Variants in UTRN observed in about 807,000 individuals in gnomAD.
UTRN encodes utrophin.
UTRN carries 283 observed loss-of-function variants against 463.9 expected under a neutral mutation model. That is an observed-to-expected ratio of 0.61 (90% CI 0.55 to 0.67). The LOEUF is 0.67. UTRN is among the 30% of genes least tolerant of loss of function. UTRN has a pLI of 0.00. For missense variants in UTRN, 3,922 were observed against 4,084.3 expected (o/e 0.96, Z 1.08); for synonymous variants, 1,442 against 1,431.5 (o/e 1.01, Z -0.17).
chr6:144,451,957 G>T (rs564515629), intron 18 of UTRN, among the ~76,000 whole-genome samples: 1 of 152,098 alleles, frequency 6.6e-6, no homozygotes, highest in Non-Finnish European at 1.5e-5. Flanking sequence ...TAGCCCTGCC[G>T]CTTTCCATGC....
intron 41 of UTRN, among the ~76,000 whole-genome samples, chr6:144,527,679 C>T (rs1333962275): frequency 6.6e-6 from 1 of 152,128 alleles, no homozygotes; most frequent in Non-Finnish European, 1.5e-5. Flanking sequence ...AGGCTTTGTT[C>T]ATTTTTTAAA....
chr6:144,476,255 C>G (rs1791185282), intron 25 of UTRN, among the ~76,000 whole-genome samples: 1 of 151,408 alleles, frequency 6.6e-6, no homozygotes, highest in African/African-American at 2.4e-5. Context: ...CACTCGGCCT[C>G]TCTCTGGTTT....
chr6:144,735,332 A>G (rs1789256557), intron 54 of UTRN, among the ~76,000 whole-genome samples: 1 of 152,304 alleles, frequency 6.6e-6, no homozygotes, highest in African/African-American at 2.4e-5. Context: ...AGGAATGGCC[A>G]TGCTGGGGAC....
chr6:144,451,252 T>C, intron 17 of UTRN, 118 bp from the exon 18 acceptor site: 3 of 1,215,114 alleles, frequency 2.5e-6, no homozygotes, highest in Non-Finnish European at 3.3e-6. Flanking sequence ...TGGGTTGCTG[T>C]TTTTGGGGGA....
intron 57 of UTRN, among the ~76,000 whole-genome samples, chr6:144,755,484 C>T (rs1454749818): frequency 3.9e-5 from 6 of 152,104 alleles, no homozygotes; most frequent in African/African-American, 1.2e-4. Context: ...TTCATTCTGT[C>T]GCTTACCAGA....
rs565108957 is a variant in UTRN at position 144,840,764 on chromosome 6, C to G, written c.10202C>G (p.Pro3401Arg). ...QAAGEDLLAPPHDTSTDLTEV... is the reference protein window; with the variant it reads ...QAAGEDLLAPRHDTSTDLTEV... ...GCGGGAGAGGACCTGCTGGCCCCAC[C>G]GCACGACACCAGCACGGATCTCACG... Residue 3401 changes from proline (P) to arginine (R), a missense_variant, in exon 73 of 75, where the codon CCG (proline) becomes CGG (arginine). Coordinates refer to ENST00000367545, the MANE Select transcript of UTRN (RefSeq NM_007124.3). The G allele has an allele frequency of 2.5e-6, 4 of 1,613,834 alleles. No individual in the cohort carries two copies. The highest frequency in any genetic ancestry group is 3.4e-6 in the Non-Finnish European group (4 of 1,179,966).
intron 54 of UTRN, among the ~76,000 whole-genome samples, chr6:144,735,848 TGTTGGTGAGGAA>T (rs1429131023): frequency 6.6e-6 from 1 of 152,150 alleles, no homozygotes; most frequent in Non-Finnish European, 1.5e-5. Context: ...TCATTCATAG[TGTTGGTGAGGAA>T]GTCATTTGGG....
intron 61 of UTRN, among the ~76,000 whole-genome samples, chr6:144,783,038 A>G (rs2128739268): frequency 6.6e-6 from 1 of 152,184 alleles, no homozygotes. Flanking sequence ...TCTACTAAAA[A>G]TACAAAAATT....
chr6:144,657,277 G>T (rs1370712907), intron 51 of UTRN, among the ~76,000 whole-genome samples: 2 of 149,832 alleles, frequency 1.3e-5, no homozygotes, highest in Admixed American at 1.3e-4. Flanking sequence ...AAAAAAAGAG[G>T]CTGACATCAT....
chr6:144,339,123 A>G (rs1776945632), intron 2 of UTRN, among the ~76,000 whole-genome samples: 1 of 152,182 alleles, frequency 6.6e-6, no homozygotes, highest in African/African-American at 2.4e-5. Flanking sequence ...GGGTTTTGGA[A>G]AAGAGGTTGT....
At chr6:144,610,369 TGAA>T (rs768631256) in intron 51 of UTRN, among the ~76,000 whole-genome samples, 24 of 152,170 alleles carry the variant, frequency 1.6e-4, no homozygotes, top group Non-Finnish European at 2.2e-4. Flanking sequence ...AGATTAATCA[TGAA>T]GAAGGAGAAA....
chr6:144,387,744 G>A (rs1781540522), intron 2 of UTRN, among the ~76,000 whole-genome samples: 1 of 152,168 alleles, frequency 6.6e-6, no homozygotes, highest in African/African-American at 2.4e-5. Context: ...TAGGAGCTTA[G>A]CTCCCGATAC....
intron 51 of UTRN, among the ~76,000 whole-genome samples, chr6:144,604,561 C>T (rs1461972240): frequency 6.6e-6 from 1 of 151,958 alleles, no homozygotes; most frequent in Admixed American, 6.6e-5. Flanking sequence ...CATGTGTCTC[C>T]CCAGTACAAT....
intron 11 of UTRN, 85 bp downstream of exon 11, chr6:144,437,831 A>G (rs1786728363): frequency 7.3e-7 from 1 of 1,372,394 alleles, no homozygotes; most frequent in Admixed American, 2.5e-5. Context: ...TGTCTGTGAA[A>G]GCGAGATGAT....
intron 6 of UTRN, 21 bp from the exon 7 acceptor site, chr6:144,426,266 G>A: frequency 6.2e-7 from 1 of 1,605,254 alleles, no homozygotes; most frequent in Non-Finnish European, 8.5e-7. Context: ...GTTATGGACA[G>A]GCCTGGTTTC....
At chr6:144,625,981 C>T (rs17191733) in intron 51 of UTRN, among the ~76,000 whole-genome samples, 4,308 of 152,118 alleles carry the variant, frequency 0.028, 147 homozygotes, top group Admixed American at 0.11. Flanking sequence ...GACACTGGAC[C>T]GATCAAACAG....
chr6:144,761,674 TAAAG>T (rs956905429), intron 58 of UTRN, among the ~76,000 whole-genome samples: 11 of 151,500 alleles, frequency 7.3e-5, no homozygotes, highest in East Asian at 3.9e-4. Flanking sequence ...TAATAATAAA[TAAAG>T]AGAGAGAGAA....
At chr6:144,731,167 T>G (rs1193164198) in intron 54 of UTRN, among the ~76,000 whole-genome samples, 1 of 151,782 alleles carries the variant, frequency 6.6e-6, no homozygotes, top group Non-Finnish European at 1.5e-5. Context: ...GACCAAATAC[T>G]TTTCTTTTAC....
At chr6:144,704,773 C>G (rs1282041420) in intron 53 of UTRN, among the ~76,000 whole-genome samples, 2 of 151,984 alleles carry the variant, frequency 1.3e-5, no homozygotes, top group African/African-American at 4.8e-5. Context: ...ACCTTCCTGG[C>G]CAACATGGTG....
Sources: gnomAD v4.1 joint callset for allele counts (sites outside exome capture counted in the v4.1 genomes callset) on GRCh38, gnomAD v4.1.1 for gene constraint, MANE v1.5 for transcripts, NCBI Gene and HGNC (gene_info 2026-07-23, HGNC 2026-07-21) for gene names.